UBE2K: variants seen among roughly 807,000 people sequenced by gnomAD.
UBE2K encodes the protein ubiquitin conjugating enzyme E2 K.
In UBE2K, 6 loss-of-function variants were observed where a neutral mutation model predicts 30.0. That is an observed-to-expected ratio of 0.20 (90% CI 0.11 to 0.39). The LOEUF (loss-of-function observed/expected upper bound fraction) is 0.39. Among genes scored for constraint, UBE2K ranks in the 10% least tolerant of loss-of-function variants. The pLI, the probability that UBE2K is intolerant of heterozygous loss-of-function variation, is 1.00. For synonymous variants in UBE2K, 86 were observed against 83.7 expected (o/e 1.03, Z -0.15); for missense variants, 61 against 241.6 (o/e 0.25, Z 4.96).
At chr4:39,713,813 A>C (rs1484388001) in intron 1 of UBE2K, 3 of 151,570 alleles carry the variant, frequency 2.0e-5, no homozygotes, top group East Asian at 3.9e-4. Flanking sequence ...AAAAAAAAAA[A>C]CTCTGAGTAT....
chr4:39,730,641 G>A (rs1260785019), intron 1 of UBE2K, among the ~76,000 whole-genome samples: 8 of 151,796 alleles, frequency 5.3e-5, no homozygotes, highest in Non-Finnish European at 5.9e-5. Flanking sequence ...GGTGGTGGGC[G>A]CCTATAATTG....
intron 1 of UBE2K, among the ~76,000 whole-genome samples, chr4:39,735,189 T>C (rs974222434): frequency 5.9e-5 from 9 of 152,222 alleles, no homozygotes; most frequent in South Asian, 2.1e-4. Context: ...TATGCATAGA[T>C]ACTAGACAAT....
At chr4:39,740,743 G>A (rs891572546) in intron 2 of UBE2K, among the ~76,000 whole-genome samples, 6 of 149,812 alleles carry the variant, frequency 4.0e-5, no homozygotes, top group African/African-American at 1.5e-4. Context: ...GGCGCCTGTA[G>A]TCCCAGCTAC....
intron 1 of UBE2K, among the ~76,000 whole-genome samples, chr4:39,733,608 C>G (rs1720197753): frequency 6.6e-6 from 1 of 152,116 alleles, no homozygotes; most frequent in African/African-American, 2.4e-5. Flanking sequence ...GTTGGGATTA[C>G]AGTCGTGAGC....
intron 1 of UBE2K, among the ~76,000 whole-genome samples, chr4:39,701,200 A>C (rs529105415): frequency 1.4e-4 from 22 of 152,236 alleles, no homozygotes; most frequent in African/African-American, 5.1e-4. Context: ...TATGAGTGTG[A>C]ATTTTAAGTA....
chr4:39,759,615 C>G (rs1711756398), intron 4 of UBE2K, among the ~76,000 whole-genome samples: 1 of 152,192 alleles, frequency 6.6e-6, no homozygotes, highest in Non-Finnish European at 1.5e-5. Flanking sequence ...ACAACTTGTG[C>G]TGTGTGGAAA....
chr4:39,723,462 A>G (rs1278437510), intron 1 of UBE2K, among the ~76,000 whole-genome samples: 1 of 141,486 alleles, frequency 7.1e-6, no homozygotes, highest in Non-Finnish European at 1.5e-5. Flanking sequence ...TCTGCCTCCC[A>G]GGTTCATGCC....
intron 6 of UBE2K, 52 bp from the exon 7 acceptor site, chr4:39,778,308 G>A: frequency 1.7e-6 from 2 of 1,207,630 alleles, no homozygotes; most frequent in South Asian, 2.5e-5. Context: ...ATTCAGTATT[G>A]TTTAAATGTT....
chr4:39,771,000 G>A lies in UBE2K; in HGVS notation c.300-3834G>A, dbSNP rs746618201. The A allele has an allele frequency of 1.1e-4, 171 of 1,609,828 alleles. 3 individuals carry two copies. In the South Asian group the frequency reaches 1.1e-3, roughly 10 times the overall value. ...GGAGGAGGGACTTGTTGGCGCTGAC[G>A]CTGCTCACAAGGCTAGCCTCACGGA... On this transcript the variant is annotated intron_variant, in intron 4 of 6. Transcript: ENST00000261427.
At chr4:39,764,131 G>A (rs1473894982) in intron 4 of UBE2K, among the ~76,000 whole-genome samples, 3 of 152,206 alleles carry the variant, frequency 2.0e-5, no homozygotes, top group Admixed American at 6.5e-5. Flanking sequence ...AAGGCAGGAG[G>A]ATTGCTTGAG....
chr4:39,718,387 A>G (rs927356542), intron 1 of UBE2K, among the ~76,000 whole-genome samples: 16 of 152,204 alleles, frequency 1.1e-4, no homozygotes, highest in African/African-American at 3.9e-4. Flanking sequence ...TGCATTCACA[A>G]TCCCTTAGCT....
At chr4:39,767,736 C>T (rs1712441967) in intron 4 of UBE2K, among the ~76,000 whole-genome samples, 1 of 152,024 alleles carries the variant, frequency 6.6e-6, no homozygotes, top group Non-Finnish European at 1.5e-5. Context: ...TTTTACATGC[C>T]TTTATGTTTT....
intron 1 of UBE2K, among the ~76,000 whole-genome samples, chr4:39,732,672 C>CT (rs10650873): frequency 0.21 from 23,616 of 114,726 alleles, 2,981 homozygotes; most frequent in South Asian, 0.27. Context: ...CTTCTTCCCT[C>CT]TTTTTTTTTT....
At chr4:39,725,231 A>G (rs746660263) in intron 1 of UBE2K, among the ~76,000 whole-genome samples, 73 of 152,014 alleles carry the variant, frequency 4.8e-4, no homozygotes, top group Non-Finnish European at 9.4e-4. Flanking sequence ...GAAAATACAA[A>G]TATTAACCAG....
At position 39,757,018 on chromosome 4, in the gene UBE2K, G is replaced by GTTTTTTTTTTTTTTTT. The variant is rs1227834116; in HGVS notation, c.299+1285_299+1286insTTTTTTTTTTTTTTTT. On this transcript the variant is annotated intron_variant, in intron 4 of 6. Transcript: ENST00000261427. ...TTTGGGTGTTTTTTTTTTGTTTTTTGTTTTTTGTTTTTTGTTTTTTTTTTG... is the reference window on the plus strand; with the variant it reads ...TTTGGGTGTTTTTTTTTTGTTTTTTGTTTTTTTTTTTTTTTTTTTTTTGTTTTTTGTTTTTTTTTTG... Among the ~76,000 whole-genome samples the GTTTTTTTTTTTTTTTT allele has an allele frequency of 4.2e-5, 3 of 72,120 alleles. 1 individual carries two copies. Among genetic ancestry groups the GTTTTTTTTTTTTTTTT allele is most frequent in the Non-Finnish European group, 8.1e-5 (3 of 37,232 alleles). The allele number at this position is 72,120 out of a possible 152,430, so 47.3% of individuals were successfully genotyped here.
In UBE2K at chr4:39,720,789, GCTGGAGTGCAGTGGTATGATCATAGCTCA is replaced by G. The variant is rs1578434338; in HGVS notation, c.64-16627_64-16599del. Reference sequence around the variant, plus strand: ...GACTAGGTCTCAGTTTGTTGCCCAGGCTGGAGTGCAGTGGTATGATCATAGCTCACTGTAACCCTGAACTCCAGGGCTCA... The same window carrying G: ...GACTAGGTCTCAGTTTGTTGCCCAGGCTGTAACCCTGAACTCCAGGGCTCA... On this transcript the variant is annotated intron_variant, in intron 1 of 6. Coordinates refer to ENST00000261427, the MANE Select transcript of UBE2K (RefSeq NM_005339.5). Among the ~76,000 whole-genome samples, 3 of 152,204 alleles carry G rather than the reference GCTGGAGTGCAGTGGTATGATCATAGCTCA, an allele frequency of 2.0e-5. No individual in the cohort carries two copies. In the East Asian group the frequency reaches 5.8e-4, roughly 29 times the overall value.
intron 4 of UBE2K, among the ~76,000 whole-genome samples, chr4:39,759,855 A>C (rs1711775309): frequency 6.6e-6 from 1 of 152,100 alleles, no homozygotes; most frequent in South Asian, 2.1e-4. Context: ...TGTAAACACA[A>C]ATACCTCATG....
chr4:39,717,563 A>T (rs1344333672), intron 1 of UBE2K, among the ~76,000 whole-genome samples: 1 of 152,218 alleles, frequency 6.6e-6, no homozygotes, highest in Non-Finnish European at 1.5e-5. Context: ...TAATGGTGCC[A>T]TGCCACTGGA....
At chr4:39,767,758 AAAAT>A (rs1351042585) in intron 4 of UBE2K, among the ~76,000 whole-genome samples, 1 of 152,186 alleles carries the variant, frequency 6.6e-6, no homozygotes, top group Non-Finnish European at 1.5e-5. Context: ...CTTTCAAATT[AAAAT>A]AAATATTATG....
Sources: allele counts gnomAD v4.1 joint callset (sites outside exome capture counted in the v4.1 genomes callset), GRCh38; gene constraint gnomAD v4.1.1; transcripts MANE v1.5; gene names NCBI Gene and HGNC (gene_info 2026-07-23, HGNC 2026-07-21).